The following KIAA1328 variants were observed in gnomAD, a reference collection of about 807,000 sequenced individuals.
The protein encoded by KIAA1328 is KIAA1328.
Under a neutral mutation model 68.1 loss-of-function variants are expected in KIAA1328, and 52 were observed. The ratio of observed to expected loss-of-function variants is 0.76; its 90% CI spans 0.61 to 0.96. The LOEUF is 0.96. Ranked by LOEUF, KIAA1328 falls within the 40% of genes least tolerant of loss-of-function variation. The pLI, the probability that KIAA1328 is intolerant of heterozygous loss-of-function variation, is 0.00. For synonymous variants in KIAA1328, 232 were observed against 239.4 expected, an observed-to-expected ratio of 0.97 and a Z score of 0.28; for missense variants, 641 against 677.6, an observed-to-expected ratio of 0.95 and a Z score of 0.60.
intron 6 of KIAA1328, among the ~76,000 whole-genome samples, chr18:37,042,218 C>T (rs1380449439): frequency 2.0e-5 from 3 of 152,022 alleles, no homozygotes; most frequent in Admixed American, 2.0e-4. Flanking sequence ...GTTATAATCC[C>T]AACAATACTG....
At position 37,046,264 on chromosome 18, in the gene KIAA1328, T is replaced by C. The variant is rs534101359; in HGVS notation, c.577-20626T>C. Among the ~76,000 whole-genome samples, 160 of 152,332 alleles carry C rather than the reference T, an allele frequency of 1.1e-3. 2 individuals carry two copies. The highest frequency in any genetic ancestry group is 3.8e-3 in the African/African-American group (158 of 41,584). ...CAGTTAACAGTCTGGCTGTTATCAT[T>C]GAGAAAAATGACTAACTCAGTCAGG... On this transcript the variant is annotated intron_variant, in intron 6 of 9. Transcript: ENST00000280020.
At chr18:37,205,322 G>T (rs140039147) in intron 9 of KIAA1328, among the ~76,000 whole-genome samples, 1 of 152,310 alleles carries the variant, frequency 6.6e-6, no homozygotes, top group Non-Finnish European at 1.5e-5. Flanking sequence ...GAAAATGTGA[G>T]AAGGTAAGTT....
chr18:37,054,050 A>G (rs1430109278), intron 6 of KIAA1328, among the ~76,000 whole-genome samples: 1 of 152,210 alleles, frequency 6.6e-6, no homozygotes, highest in African/African-American at 2.4e-5. Flanking sequence ...GAAACATGAA[A>G]AAATGCTCAA....
intron 4 of KIAA1328, among the ~76,000 whole-genome samples, chr18:36,859,064 A>G (rs185384958): frequency 5.3e-5 from 8 of 152,160 alleles, no homozygotes; most frequent in East Asian, 3.9e-4. Flanking sequence ...TAAATTTTCT[A>G]TGTTTTTATG....
In KIAA1328 at chr18:36,917,971, G is replaced by GTT. The variant is rs1311243972; in HGVS notation, c.448+32307_448+32308dup. Among the ~76,000 whole-genome samples, 28 of 150,474 alleles carry GTT rather than the reference G, an allele frequency of 1.9e-4. 1 individual carries two copies. The South Asian group carries it at 5.7e-3, about 31-fold the overall frequency. ...CTCCAGCGATTTTAGACAGTTGTGTGTTTTTTTTTGTTTTTGTTTTTTTTA... is the reference window on the plus strand; with the variant it reads ...CTCCAGCGATTTTAGACAGTTGTGTGTTTTTTTTTTTGTTTTTGTTTTTTTTA... On this transcript the variant is annotated intron_variant, in intron 5 of 9. Coordinates refer to ENST00000280020, the MANE Select transcript of KIAA1328 (RefSeq NM_020776.3).
chr18:37,016,487 T>G (rs1363387168), intron 6 of KIAA1328, among the ~76,000 whole-genome samples: 2 of 152,088 alleles, frequency 1.3e-5, no homozygotes, highest in East Asian at 3.9e-4. Context: ...ATTGGCTTTG[T>G]AAAGTCCCTC....
chr18:37,218,043 C>A (rs777046125), intron 9 of KIAA1328, among the ~76,000 whole-genome samples: 5 of 152,148 alleles, frequency 3.3e-5, no homozygotes, highest in African/African-American at 4.8e-5. Flanking sequence ...AACTTTTATA[C>A]CTAGGTTTAG....
chr18:37,129,091 A>G (rs1472317962), intron 7 of KIAA1328, among the ~76,000 whole-genome samples: 7 of 152,184 alleles, frequency 4.6e-5, no homozygotes, highest in South Asian at 2.1e-4. Flanking sequence ...TGCTGATAAC[A>G]TAACTGTATA....
At chr18:37,026,070 T>G (rs559285897) in intron 6 of KIAA1328, among the ~76,000 whole-genome samples, 2 of 152,168 alleles carry the variant, frequency 1.3e-5, no homozygotes, top group African/African-American at 4.8e-5. Flanking sequence ...AAATACAAAC[T>G]GCCATCAGAG....
intron 4 of KIAA1328, among the ~76,000 whole-genome samples, chr18:36,865,109 T>C (rs1003750356): frequency 1.3e-5 from 2 of 151,910 alleles, no homozygotes; most frequent in Non-Finnish European, 2.9e-5. Flanking sequence ...TTTCCTCTTC[T>C]TTTTTTTATG....
At chr18:37,069,909 G>A (rs2056468354) in intron 7 of KIAA1328, among the ~76,000 whole-genome samples, 1 of 151,796 alleles carries the variant, frequency 6.6e-6, no homozygotes, top group South Asian at 2.1e-4. Context: ...TTGTTAAGGT[G>A]GAAGCATATT....
intron 3 of KIAA1328, among the ~76,000 whole-genome samples, chr18:36,838,052 A>G (rs1201754076): frequency 1.3e-5 from 2 of 152,150 alleles, no homozygotes; most frequent in East Asian, 3.8e-4. Flanking sequence ...AGAATCAGCA[A>G]ATGTTTTATA....
chr18:36,919,618 C>G (rs1489378620), intron 5 of KIAA1328, among the ~76,000 whole-genome samples: 1 of 152,102 alleles, frequency 6.6e-6, no homozygotes. Context: ...AGTGGTAGTT[C>G]TTTACTTTAA....
In KIAA1328 at chr18:37,223,621, T is replaced by C. The variant is rs901840657; in HGVS notation, c.*1394T>C. On this transcript the variant is annotated 3_prime_UTR_variant, in exon 10 of 10. Transcript: ENST00000280020. Reference sequence around the variant, plus strand: ...AACTGGGAGTAAGACTTAGTCAGTGTTGGTAGACAAAGTCATACCACCCAG... The same window carrying C: ...AACTGGGAGTAAGACTTAGTCAGTGCTGGTAGACAAAGTCATACCACCCAG... The C allele has an allele frequency of 9.1e-6, 9 of 985,324 alleles. No individual in the cohort carries two copies. The Admixed American group carries it at 3.1e-4, about 34-fold the overall frequency. 61.0% of individuals were successfully genotyped at this position (985,324 alleles called of 1,614,324 possible). A position where few individuals can be genotyped will look rare whatever the true frequency, so the allele number is the denominator to read the frequency against.
At chr18:37,130,429 C>T (rs2058494894) in intron 7 of KIAA1328, among the ~76,000 whole-genome samples, 1 of 152,208 alleles carries the variant, frequency 6.6e-6, no homozygotes, top group East Asian at 1.9e-4. Context: ...ACCATGCTGG[C>T]CAACATGGTG....
chr18:37,019,973 G>A (rs962759762), intron 6 of KIAA1328, among the ~76,000 whole-genome samples: 12 of 152,182 alleles, frequency 7.9e-5, no homozygotes, highest in Non-Finnish European at 1.3e-4. Context: ...ATGGGGGCCA[G>A]TCTACTGGTC....
chr18:36,948,239 A>C (rs934112422), intron 5 of KIAA1328, among the ~76,000 whole-genome samples: 7 of 146,904 alleles, frequency 4.8e-5, no homozygotes, highest in African/African-American at 1.8e-4. Context: ...GAATGACATG[A>C]CTTTTTGTTT....
chr18:37,028,228 A>C (rs1328404691), intron 6 of KIAA1328, among the ~76,000 whole-genome samples: 1 of 152,120 alleles, frequency 6.6e-6, no homozygotes, highest in African/African-American at 2.4e-5. Flanking sequence ...GTGTTTTATC[A>C]TTCTTATAGA....
intron 7 of KIAA1328, among the ~76,000 whole-genome samples, chr18:37,128,953 A>G (rs2058457573): frequency 6.6e-6 from 1 of 152,218 alleles, no homozygotes; most frequent in Admixed American, 6.5e-5. Context: ...TTCTAGAAAA[A>G]GCAAAACTAT....
Sources: allele counts gnomAD v4.1 joint callset (sites outside exome capture counted in the v4.1 genomes callset), GRCh38; gene constraint gnomAD v4.1.1; transcripts MANE v1.5; gene names NCBI Gene and HGNC (gene_info 2026-07-23, HGNC 2026-07-21).